Variants in PIK3CA observed in about 807,000 individuals in gnomAD.
The protein encoded by PIK3CA is phosphatidylinositol-4,5-bisphosphate 3-kinase catalytic subunit alpha, also known as phosphatidylinositol 4,5-bisphosphate 3-kinase catalytic subunit alpha isoform.
In PIK3CA, 27 loss-of-function variants were observed where a neutral mutation model predicts 138.2. That is an observed-to-expected ratio of 0.20 (90% CI 0.14 to 0.27). The LOEUF is 0.27. PIK3CA is among the 10% of genes least tolerant of loss of function. PIK3CA has a pLI of 1.00. For missense variants in PIK3CA, 544 were observed against 1,277.4 expected, an observed-to-expected ratio of 0.43 and a Z score of 8.75; for synonymous variants, 358 against 413.2, an observed-to-expected ratio of 0.87 and a Z score of 1.62.
intron 9 of PIK3CA, among the ~76,000 whole-genome samples, chr3:179,214,216 C>T (rs1170906826): frequency 6.6e-6 from 1 of 152,160 alleles, no homozygotes; most frequent in Non-Finnish European, 1.5e-5. Context: ...CTGTTTGGCA[C>T]CAGAGGCCTA....
At chr3:179,225,546 T>C (rs1168849372) in intron 16 of PIK3CA, among the ~76,000 whole-genome samples, 2 of 152,188 alleles carry the variant, frequency 1.3e-5, no homozygotes, top group Non-Finnish European at 2.9e-5. Context: ...TAAAAATTTT[T>C]GTGAGATGCA....
intron 9 of PIK3CA, among the ~76,000 whole-genome samples, chr3:179,216,467 C>T (rs1431052526): frequency 3.3e-5 from 5 of 151,756 alleles, no homozygotes; most frequent in African/African-American, 1.2e-4. Flanking sequence ...GGACAAATGC[C>T]GAAGGTAGCT....
At chr3:179,151,853 C>T (rs979863005) in intron 1 of PIK3CA, among the ~76,000 whole-genome samples, 2 of 152,292 alleles carry the variant, frequency 1.3e-5, no homozygotes, top group Non-Finnish European at 2.9e-5. Flanking sequence ...AGTTAGGTAT[C>T]CCTGCTTCCT....
chr3:179,182,183 A>G (rs1366446397), intron 1 of PIK3CA, among the ~76,000 whole-genome samples: 1 of 126,634 alleles, frequency 7.9e-6, no homozygotes, highest in Non-Finnish European at 1.7e-5. Flanking sequence ...GAATCATAAC[A>G]TGTGAAGCAG....
intron 9 of PIK3CA, among the ~76,000 whole-genome samples, chr3:179,217,809 T>C (rs1724871208): frequency 6.6e-6 from 1 of 152,138 alleles, no homozygotes; most frequent in Non-Finnish European, 1.5e-5. Context: ...TGAAAGGGTT[T>C]ACATTTTTAT....
At chr3:179,154,723 A>C (rs1452494277) in intron 1 of PIK3CA, among the ~76,000 whole-genome samples, 1 of 152,202 alleles carries the variant, frequency 6.6e-6, no homozygotes, top group African/African-American at 2.4e-5. Flanking sequence ...AACTAGGAAA[A>C]AATGTGCACA....
chr3:179,197,880 TA>T (rs1406674718), intron 1 of PIK3CA, among the ~76,000 whole-genome samples: 1 of 152,172 alleles, frequency 6.6e-6, no homozygotes, highest in Non-Finnish European at 1.5e-5. Context: ...TGTTGATGTC[TA>T]AAAAAATTAA....
Position 179,234,432 on chromosome 3 carries a change from C to A in PIK3CA, c.*68C>A, listed in dbSNP as rs202178025. Reference sequence around the variant, plus strand: ...TGCACTGTTAATAACTCTCAGCAGGCAAAGACCGATTGCATAGGAATTGCA... The same window carrying A: ...TGCACTGTTAATAACTCTCAGCAGGAAAAGACCGATTGCATAGGAATTGCA... On this transcript the variant is annotated 3_prime_UTR_variant, in exon 21 of 21. Transcript: ENST00000263967. The surrounding 1 kb of genome is among the most constrained non-coding windows in gnomAD (Gnocchi z 5.1). 7.4e-7 allele frequency: 1 copy of A among 1,359,988 alleles called. No individual in the cohort carries two copies. Among genetic ancestry groups the A allele is most frequent in the Non-Finnish European group, 1.0e-6 (1 of 993,738 alleles). The allele number at this position is 1,359,988 out of a possible 1,614,324, so 84.2% of individuals were successfully genotyped here. A position where few individuals can be genotyped will look rare whatever the true frequency, so the allele number is the denominator to read the frequency against.
intron 17 of PIK3CA, among the ~76,000 whole-genome samples, chr3:179,228,235 T>C (rs925326043): frequency 1.3e-5 from 2 of 152,022 alleles, no homozygotes; most frequent in African/African-American, 4.8e-5. Context: ...ACTTAACATC[T>C]TTCTGATGAG....
At chr3:179,199,278 A>G (rs1185951237) in intron 2 of PIK3CA, 101 bp downstream of exon 2, 1 of 687,146 alleles carries the variant, frequency 1.5e-6, no homozygotes, top group Non-Finnish European at 2.3e-6. Context: ...TCGTAATCTT[A>G]AATAGCTTTC....
chr3:179,164,855 G>T (rs1457764031), intron 1 of PIK3CA, among the ~76,000 whole-genome samples: 1 of 151,738 alleles, frequency 6.6e-6, no homozygotes, highest in South Asian at 2.1e-4. Flanking sequence ...GGCAACAAGA[G>T]TGAAACTCTG....
At chr3:179,175,568 C>T (rs2108365976) in intron 1 of PIK3CA, among the ~76,000 whole-genome samples, 1 of 152,212 alleles carries the variant, frequency 6.6e-6, no homozygotes, top group East Asian at 1.9e-4. Context: ...TTTCATTATT[C>T]TCTCTGGAAC....
chr3:179,178,261 C>CAAAAA (rs60887179), intron 1 of PIK3CA, among the ~76,000 whole-genome samples: 3 of 79,886 alleles, frequency 3.8e-5, no homozygotes, highest in Admixed American at 1.3e-4. Flanking sequence ...CTCTAAAGAT[C>CAAAAA]AAAAAAAAAA....
intron 8 of PIK3CA, 28 bp downstream of exon 8, chr3:179,210,366 T>G (rs759920850): frequency 6.3e-7 from 1 of 1,583,798 alleles, no homozygotes; most frequent in Admixed American, 2.0e-5. Context: ...ATAAATTAGA[T>G]ATTTTTTATG....
intron 3 of PIK3CA, among the ~76,000 whole-genome samples, chr3:179,200,860 A>G (rs1724392434): frequency 1.3e-5 from 2 of 151,762 alleles, no homozygotes; most frequent in Admixed American, 1.3e-4. Flanking sequence ...CCTCCCTCAC[A>G]TTTTCTGTCA....
intron 9 of PIK3CA, among the ~76,000 whole-genome samples, chr3:179,214,569 T>C (rs2108405082): frequency 6.6e-6 from 1 of 152,096 alleles, no homozygotes; most frequent in African/African-American, 2.4e-5. Context: ...TATATAATAA[T>C]AATGAAAAGC....
intron 1 of PIK3CA, among the ~76,000 whole-genome samples, chr3:179,193,006 A>C (rs1309363815): frequency 6.6e-6 from 1 of 152,232 alleles, no homozygotes; most frequent in Non-Finnish European, 1.5e-5. Context: ...ACAATGGAGA[A>C]TCTGATACTG....
At chr3:179,217,959 T>G (rs987674710) in intron 9 of PIK3CA, among the ~76,000 whole-genome samples, 2 of 152,094 alleles carry the variant, frequency 1.3e-5, no homozygotes, top group Non-Finnish European at 2.9e-5. Context: ...CTTCAGCAGT[T>G]ACTATTCTGT....
Position 179,199,751 on chromosome 3 carries a change from C to A in PIK3CA, c.414C>A (p.Asp138Glu). ...TGGTTAAAGATCCAGAAGTACAGGA[C>A]TTCCGAAGAAATATTCTGAACGTTT... is the stretch of plus-strand genomic sequence containing the variant. ...FDMVKDPEVQ[D>E]FRRNILNVCK... is the part of the protein sequence containing the mutation. Residue 138 changes from aspartate to glutamate, a missense_variant, in exon 3 of 21, where the codon GAC becomes GAA. Asp to Glu is a conservative substitution (Grantham distance 45, BLOSUM62 2). Transcript: ENST00000263967. 3 of 1,613,416 alleles carry A rather than the reference C, an allele frequency of 1.9e-6. No homozygotes were observed. In the African/African-American group the frequency reaches 4.0e-5, roughly 22 times the overall value.
Sources: gnomAD v4.1 joint callset for allele counts (sites outside exome capture counted in the v4.1 genomes callset) on GRCh38, gnomAD v4.1.1 for gene constraint, Gnocchi (gnomAD v3.1) non-coding constraint, MANE v1.5 for transcripts, NCBI Gene and HGNC (gene_info 2026-07-23, HGNC 2026-07-21) for gene names.